RARB: variants seen among roughly 807,000 people sequenced by gnomAD.
RARB encodes retinoic acid receptor beta.
A neutral mutation model predicts 51.9 loss-of-function variants in RARB; 17 were observed. The ratio of observed to expected loss-of-function variants is 0.33; its 90% confidence interval spans 0.22 to 0.49. The LOEUF is 0.49. Among genes scored for constraint, RARB ranks in the 20% least tolerant of loss-of-function variants. The pLI, the probability that RARB is intolerant of heterozygous loss-of-function variation, is 0.99. For missense variants in RARB, 369 were observed against 550.8 expected (o/e 0.67, Z 3.30); for synonymous variants, 215 against 195.4 (o/e 1.10, Z -0.84).
intron 5 of RARB, among the ~76,000 whole-genome samples, chr3:25,264,191 T>C (rs1417137059): frequency 6.6e-6 from 1 of 152,174 alleles, no homozygotes; most frequent in Non-Finnish European, 1.5e-5. Flanking sequence ...TTTCACTGAA[T>C]TCAAAGCTCT....
intron 2 of RARB, among the ~76,000 whole-genome samples, chr3:24,956,124 T>C (rs566569078): frequency 1.3e-5 from 2 of 152,256 alleles, no homozygotes; most frequent in South Asian, 4.1e-4. Flanking sequence ...CTGAGGCTCA[T>C]TTCTGAGCCT....
chr3:25,372,988 T>A (rs369553555), intron 5 of RARB, among the ~76,000 whole-genome samples: 2 of 151,950 alleles, frequency 1.3e-5, no homozygotes, highest in African/African-American at 2.4e-5. Context: ...TGTGAGCAAT[T>A]TGGTGATTAG....
intron 5 of RARB, among the ~76,000 whole-genome samples, chr3:25,309,122 T>C (rs1704222684): frequency 6.7e-6 from 1 of 149,468 alleles, no homozygotes; most frequent in Admixed American, 6.7e-5. Flanking sequence ...GCGTGGACTG[T>C]GCCTCCATTT....
intron 5 of RARB, among the ~76,000 whole-genome samples, chr3:25,410,448 A>C (rs536928548): frequency 6.6e-6 from 1 of 152,356 alleles, no homozygotes; most frequent in East Asian, 1.9e-4. Context: ...ATACCAGCTA[A>C]CTTTATGAAG....
At chr3:24,926,147 G>A (rs1205098141) in intron 2 of RARB, among the ~76,000 whole-genome samples, 2 of 152,052 alleles carry the variant, frequency 1.3e-5, no homozygotes, top group African/African-American at 4.8e-5. Flanking sequence ...GGATCCTAAT[G>A]CGGAGTTTTG....
At chr3:25,083,713 G>C (rs1017203478) in intron 3 of RARB, among the ~76,000 whole-genome samples, 1 of 152,106 alleles carries the variant, frequency 6.6e-6, no homozygotes, top group African/African-American at 2.4e-5. Flanking sequence ...GCTAGGCATA[G>C]TAAATGCTAT....
intron 1 of RARB, among the ~76,000 whole-genome samples, chr3:25,433,148 G>T (rs1708275676): frequency 6.6e-6 from 1 of 152,162 alleles, no homozygotes; most frequent in African/African-American, 2.4e-5. Context: ...TATTAATGTA[G>T]ATAGAATCTT....
chr3:25,241,103 GTTTA>G (rs1162028148), intron 5 of RARB, among the ~76,000 whole-genome samples: 1 of 152,088 alleles, frequency 6.6e-6, no homozygotes, highest in Non-Finnish European at 1.5e-5. Context: ...GGGTTTTCCA[GTTTA>G]TTTGTGTATA....
chr3:24,935,504 A>G (rs945712027), intron 2 of RARB, among the ~76,000 whole-genome samples: 1 of 152,146 alleles, frequency 6.6e-6, no homozygotes, highest in African/African-American at 2.4e-5. Flanking sequence ...GTAGTCTGTT[A>G]TGATTTCACA....
rs1306829657 is a variant in RARB, at chr3:24,989,886, C to G, written c.-379-70239C>G. Among the ~76,000 whole-genome samples, 12 of 90,390 alleles carry G rather than the reference C, an allele frequency of 1.3e-4. 4 individuals carry two copies. Among genetic ancestry groups the G allele is most frequent in the Non-Finnish European group, 2.1e-4 (10 of 47,522 alleles). 59.3% of individuals were successfully genotyped at this position (90,390 alleles called of 152,430 possible). A position where few individuals can be genotyped will look rare whatever the true frequency, so the allele number is the denominator to read the frequency against. ...GCAATCTCGGCTCACTGCAAGCTCC[C>G]CTTCCCGGGTTCACGCCATTCTCCT... On this transcript the variant is annotated intron_variant, in intron 2 of 11. Coordinates refer to the RARB transcript ENST00000383772.
At chr3:25,442,630 G>A (rs79905393) in intron 1 of RARB, among the ~76,000 whole-genome samples, 3,188 of 151,928 alleles carry the variant, frequency 0.021, 54 homozygotes, top group Non-Finnish European at 0.031. Flanking sequence ...ATCCCTTTAT[G>A]TAGCAGGTAA....
chr3:24,882,313 T>A (rs1013792673), intron 2 of RARB, among the ~76,000 whole-genome samples: 2 of 152,206 alleles, frequency 1.3e-5, no homozygotes, highest in Non-Finnish European at 2.9e-5. Flanking sequence ...TAAAAATTTT[T>A]AAAAAATTGT....
chr3:25,448,028 TCA>T (rs1462360914), intron 1 of RARB, among the ~76,000 whole-genome samples: 1 of 151,994 alleles, frequency 6.6e-6, no homozygotes, highest in Non-Finnish European at 1.5e-5. Context: ...TATTTAATGC[TCA>T]CAATGATGCA....
intron 3 of RARB, among the ~76,000 whole-genome samples, chr3:25,513,807 G>T (rs551626026): frequency 6.6e-6 from 1 of 152,174 alleles, no homozygotes; most frequent in South Asian, 2.1e-4. Flanking sequence ...TTTCAGAAAG[G>T]GGGAGAGGAA....
chr3:25,517,113 T>A (rs1698200355), intron 3 of RARB, among the ~76,000 whole-genome samples: 1 of 152,186 alleles, frequency 6.6e-6, no homozygotes, highest in Admixed American at 6.5e-5. Context: ...TTTTAACAAG[T>A]TGATTGAAAA....
intron 5 of RARB, among the ~76,000 whole-genome samples, chr3:25,375,395 G>A (rs76370092): frequency 5.3e-5 from 8 of 152,182 alleles, no homozygotes; most frequent in African/African-American, 1.9e-4. Context: ...AAGGTTTCCT[G>A]TATTGGTGCT....
chr3:25,317,315 G>C (rs1017576054), intron 5 of RARB, among the ~76,000 whole-genome samples: 6 of 152,030 alleles, frequency 3.9e-5, no homozygotes, highest in African/African-American at 1.4e-4. Flanking sequence ...GGAAGGAAGC[G>C]AAGGTAGGTT....
intron 5 of RARB, among the ~76,000 whole-genome samples, chr3:25,339,348 A>G (rs1297481773): frequency 1.3e-5 from 2 of 152,168 alleles, no homozygotes; most frequent in Non-Finnish European, 2.9e-5. Flanking sequence ...GGCCAGTCAA[A>G]TGTAGCCAGC....
chr3:25,093,708 T>C (rs929104270), intron 3 of RARB, among the ~76,000 whole-genome samples: 1 of 152,230 alleles, frequency 6.6e-6, no homozygotes, highest in South Asian at 2.1e-4. Flanking sequence ...TACGGGGTTT[T>C]TTTTTGCATG....
Sources: gnomAD v4.1 joint callset for allele counts (sites outside exome capture counted in the v4.1 genomes callset) on GRCh38, gnomAD v4.1.1 for gene constraint, MANE v1.5 for transcripts, NCBI Gene and HGNC (gene_info 2026-07-23, HGNC 2026-07-21) for gene names.